Variants in ADAM2 observed in about 807,000 individuals in gnomAD.
ADAM2 encodes the protein ADAM metallopeptidase domain 2.
ADAM2 carries 101 observed loss-of-function variants against 99.3 expected under a neutral mutation model. That is an observed-to-expected ratio of 1.02 (90% CI 0.87 to 1.20). The LOEUF (loss-of-function observed/expected upper bound fraction) is 1.20. Among genes scored for constraint, ADAM2 ranks in the 50% most tolerant of loss-of-function variants. The pLI is 0.00. For synonymous variants in ADAM2, 323 were observed against 287.6 expected, an observed-to-expected ratio of 1.12 and a Z score of -1.25; for missense variants, 948 against 878.7, an observed-to-expected ratio of 1.08 and a Z score of -1.00.
chr8:39,821,067 C>A lies in ADAM2; in HGVS notation c.448G>T (p.Val150Phe). 6.2e-7 allele frequency: 1 copy of A among 1,607,176 alleles called. No homozygotes were observed. The highest frequency in any genetic ancestry group is 1.3e-5 in the African/African-American group (1 of 74,810). ...ATATCCTTCTCATTATATAAGGAAA[C>A]ATCTGCTTTCTTATGTTTTACTTGG... The part of the protein sequence containing the change: ...IYQVKHKKAD[V>F]SLYNEKDIES... The change falls in exon 6 of 21, where the codon GTT becomes TTT. Residue 150 changes from valine (V) to phenylalanine (F), a missense_variant. Physicochemically the swap from Val to Phe is conservative, Grantham distance 50. Transcript: ENST00000265708.
At chr8:39,787,710 T>G (rs1017879355) in intron 9 of ADAM2, among the ~76,000 whole-genome samples, 1 of 151,670 alleles carries the variant, frequency 6.6e-6, no homozygotes, top group Non-Finnish European at 1.5e-5. Context: ...TTTCAATTAC[T>G]TTGCTTACTT....
At chr8:39,754,116 A>G (rs1180674154) in intron 16 of ADAM2, among the ~76,000 whole-genome samples, 1 of 152,138 alleles carries the variant, frequency 6.6e-6, no homozygotes, top group Non-Finnish European at 1.5e-5. Context: ...AACTCATCCC[A>G]TCCTCGTCCT....
chr8:39,821,608 C>T lies in ADAM2; in HGVS notation c.322G>A (p.Val108Ile). Reference protein sequence around the residue: ...IEGYPKSVVMVSTCTGLRGVL... With the variant: ...IEGYPKSVVMISTCTGLRGVL... ...AACCTGAGTCCAGTACATGTGCTAA[C>T]CATCACCACAGATTTTGGATAACCT... Residue 108 changes from valine to isoleucine, a missense_variant, in exon 5 of 21, where the codon GTT becomes ATT. Physicochemically the swap from Val to Ile is conservative, Grantham distance 29. Coordinates refer to ENST00000265708, the MANE Select transcript of ADAM2 (RefSeq NM_001464.5). 2 of 1,607,282 alleles carry T rather than the reference C, an allele frequency of 1.2e-6. No homozygotes were observed. Among genetic ancestry groups the T allele is most frequent in the Non-Finnish European group, 1.7e-6 (2 of 1,174,436 alleles).
chr8:39,759,306 A>G (rs528055885), intron 15 of ADAM2, among the ~76,000 whole-genome samples: 53 of 152,258 alleles, frequency 3.5e-4, no homozygotes, highest in Admixed American at 3.1e-3. Context: ...AAAGAAACCT[A>G]AATTGTGGGA....
intron 7 of ADAM2, among the ~76,000 whole-genome samples, chr8:39,802,025 G>A (rs941885079): frequency 1.3e-5 from 2 of 152,200 alleles, no homozygotes; most frequent in Non-Finnish European, 2.9e-5. Flanking sequence ...AGTGCTGGCT[G>A]CCCCTCCCTG....
At position 39,744,854 on chromosome 8, in the gene ADAM2, T is replaced by C; in HGVS notation, c.*6A>G. 6.2e-7 allele frequency: 1 copy of C among 1,600,154 alleles called. No individual in the cohort carries two copies. Among genetic ancestry groups the C allele is most frequent in the East Asian group, 2.2e-5 (1 of 44,638 alleles). On this transcript the variant is annotated 3_prime_UTR_variant, in exon 20 of 21. Coordinates refer to ENST00000265708, the MANE Select transcript of ADAM2 (RefSeq NM_001464.5). ...CAGTGATATCATGGCATCTCTGTTGTCCAGACTACCCTTTAGGTTCACTCT... is the reference window on the plus strand; with the variant it reads ...CAGTGATATCATGGCATCTCTGTTGCCCAGACTACCCTTTAGGTTCACTCT...
At chr8:39,814,763 C>A (rs1010424849) in intron 6 of ADAM2, among the ~76,000 whole-genome samples, 7 of 151,622 alleles carry the variant, frequency 4.6e-5, no homozygotes, top group African/African-American at 1.7e-4. Context: ...GAATTATCAA[C>A]TCAGGAGAAA....
At chr8:39,834,135 C>A in intron 2 of ADAM2, 136 bp from the exon 3 acceptor site, 3 of 530,808 alleles carry the variant, frequency 5.7e-6, no homozygotes, top group East Asian at 6.1e-5. Flanking sequence ...GAATTTAATG[C>A]TGATTTATTT....
chr8:39,810,501 G>C (rs1319392360), intron 6 of ADAM2, among the ~76,000 whole-genome samples: 1 of 152,066 alleles, frequency 6.6e-6, no homozygotes, highest in Non-Finnish European at 1.5e-5. Flanking sequence ...GCACCACATC[G>C]CACTTATTCC....
intron 6 of ADAM2, among the ~76,000 whole-genome samples, chr8:39,810,648 C>T (rs1316404721): frequency 1.3e-5 from 2 of 152,190 alleles, no homozygotes; most frequent in Non-Finnish European, 2.9e-5. Flanking sequence ...AACCACTCAA[C>T]TACATGGAAA....
chr8:39,824,832 TC>T lies in ADAM2; in HGVS notation c.253del (p.Asp85ThrfsTer22). The part of the protein sequence containing the change: ...YSGTGIMKPL[D>X]QDFQNFCHYQ... ...TAAAAAACATACCTGAAAATCTTGG[TC>T]AAGTGGTTTCATAATTCCTGTGCCA... On this transcript the variant is annotated frameshift_variant, in exon 4 of 21. Transcript: ENST00000265708. LOFTEE classifies it high-confidence loss of function. The T allele has an allele frequency of 6.4e-7, 1 of 1,565,290 alleles. No homozygotes were observed. The highest frequency in any genetic ancestry group is 8.8e-7 in the Non-Finnish European group (1 of 1,142,132).
chr8:39,809,383 G>A, intron 7 of ADAM2, 27 bp downstream of exon 7: 1 of 853,640 alleles, frequency 1.2e-6, no homozygotes, highest in East Asian at 2.6e-5. Flanking sequence ...AATATTAAGG[G>A]ACATAAATAA....
At chr8:39,744,772 G>A in intron 20 of ADAM2, 58 bp downstream of exon 20, 1 of 1,145,056 alleles carries the variant, frequency 8.7e-7, no homozygotes, top group Non-Finnish European at 1.3e-6. Flanking sequence ...TGCACATTCT[G>A]CACCTGTGTC....
chr8:39,834,794 A>G (rs1805757513), intron 2 of ADAM2, among the ~76,000 whole-genome samples: 1 of 150,120 alleles, frequency 6.7e-6, no homozygotes, highest in South Asian at 2.1e-4. Flanking sequence ...GATGTTAACT[A>G]AGGGTTTTTC....
chr8:39,748,816 G>C (rs936244694), intron 18 of ADAM2, among the ~76,000 whole-genome samples: 6 of 152,090 alleles, frequency 3.9e-5, no homozygotes, highest in Non-Finnish European at 8.8e-5. Flanking sequence ...AACAGTGACT[G>C]TATATTCTCT....
intron 7 of ADAM2, among the ~76,000 whole-genome samples, chr8:39,808,566 AG>A (rs1319355185): frequency 6.6e-6 from 1 of 152,206 alleles, no homozygotes; most frequent in Non-Finnish European, 1.5e-5. Context: ...GAAATGGATA[AG>A]GTGGTCTTAA....
intron 10 of ADAM2, among the ~76,000 whole-genome samples, chr8:39,783,218 T>C (rs1400198532): frequency 1.3e-5 from 2 of 152,222 alleles, no homozygotes; most frequent in African/African-American, 4.8e-5. Flanking sequence ...TTAATATTTA[T>C]TGATACTGCT....
At chr8:39,761,080 AG>A (rs1032472352) in intron 15 of ADAM2, 95 bp downstream of exon 15, 6 of 618,314 alleles carry the variant, frequency 9.7e-6, no homozygotes, top group Non-Finnish European at 1.6e-5. Flanking sequence ...CTTTATGTTC[AG>A]GGGATATTTT....
chr8:39,813,573 T>C lies in ADAM2; in HGVS notation c.514-4107A>G, dbSNP rs542098036. ...AAGAAAATGTGGCACATACACACCA[T>C]GGAATACTATGTAGCCATAAAAAAG... is the stretch of plus-strand genomic sequence containing the variant. On this transcript the variant is annotated intron_variant, in intron 6 of 20. Coordinates refer to ENST00000265708, the MANE Select transcript of ADAM2 (RefSeq NM_001464.5). Among the ~76,000 whole-genome samples the C allele has an allele frequency of 2.6e-5, 4 of 152,322 alleles. No homozygotes were observed. The East Asian group carries it at 7.7e-4, about 29-fold the overall frequency.
Sources: allele counts gnomAD v4.1 joint callset (sites outside exome capture counted in the v4.1 genomes callset), GRCh38; gene constraint gnomAD v4.1.1; transcripts MANE v1.5; gene names NCBI Gene and HGNC (gene_info 2026-07-23, HGNC 2026-07-21).